The following RBFOX1 variants were observed in gnomAD, a reference collection of about 807,000 sequenced individuals.
RBFOX1 encodes the protein RNA binding protein fox-1 homolog 1.
In RBFOX1, 8 loss-of-function variants were observed where a neutral mutation model predicts 57.7. That is an observed-to-expected ratio of 0.14 (90% CI 0.08 to 0.25). RBFOX1 has a LOEUF of 0.25. Ranked by LOEUF, RBFOX1 falls within the 10% of genes least tolerant of loss-of-function variation. The pLI is 1.00. For synonymous variants in RBFOX1, 326 were observed against 222.4 expected, an observed-to-expected ratio of 1.47 and a Z score of -4.15; for missense variants, 611 against 548.5, an observed-to-expected ratio of 1.11 and a Z score of -1.14.
chr16:6,996,562 T>C (rs908814680), intron 3 of RBFOX1, among the ~76,000 whole-genome samples: 32 of 152,208 alleles, frequency 2.1e-4, no homozygotes, highest in African/African-American at 7.5e-4. Context: ...TTTCCAAATA[T>C]TTAACTCATT....
At chr16:7,023,042 C>A (rs1332259605) in intron 3 of RBFOX1, among the ~76,000 whole-genome samples, 1 of 152,120 alleles carries the variant, frequency 6.6e-6, no homozygotes, top group Non-Finnish European at 1.5e-5. Context: ...AAGGAATGAC[C>A]ATTTGAAGTG....
At chr16:6,211,270 C>T (rs1418464381) in intron 1 of RBFOX1, among the ~76,000 whole-genome samples, 1 of 135,178 alleles carries the variant, frequency 7.4e-6, no homozygotes, top group Non-Finnish European at 1.6e-5. Context: ...GCTTTGTCGC[C>T]CAGGCTGGAG....
chr16:6,399,665 T>C (rs569284872), intron 2 of RBFOX1, among the ~76,000 whole-genome samples: 2 of 152,330 alleles, frequency 1.3e-5, no homozygotes, highest in South Asian at 4.1e-4. Flanking sequence ...CACTTCCACA[T>C]TTTTGGGTAT....
chr16:7,185,353 G>A (rs1386758823), intron 4 of RBFOX1, among the ~76,000 whole-genome samples: 1 of 152,084 alleles, frequency 6.6e-6, no homozygotes, highest in Non-Finnish European at 1.5e-5. Context: ...CAGAATCTCA[G>A]CCATGATGTT....
rs1012479940 is a variant in RBFOX1, at chr16:5,793,854, A to G, written c.319-73449A>G. ...TTCATTTGCACATACTCACAAATGT[A>G]CTGGGAGACTGGAATCCAGCACGTT... On this transcript the variant is annotated intron_variant, in intron 3 of 19. Coordinates refer to the RBFOX1 transcript ENST00000641259. 6.6e-5 allele frequency among the ~76,000 whole-genome samples: 10 copies of G among 152,316 alleles called. No individual in the cohort carries two copies. The East Asian group carries it at 1.5e-3, about 24-fold the overall frequency.
intron 2 of RBFOX1, among the ~76,000 whole-genome samples, chr16:6,639,965 G>A (rs968307966): frequency 4.6e-5 from 7 of 152,132 alleles, no homozygotes; most frequent in African/African-American, 1.7e-4. Flanking sequence ...TCAGCACTCT[G>A]TATAGCTTAT....
chr16:6,494,867 C>G (rs143472682), intron 2 of RBFOX1, among the ~76,000 whole-genome samples: 287 of 152,246 alleles, frequency 1.9e-3, no homozygotes, highest in African/African-American at 5.8e-3. Flanking sequence ...CAGAGAATAG[C>G]CAGCATTTAT....
chr16:6,253,728 A>C (rs2097642286), intron 1 of RBFOX1, among the ~76,000 whole-genome samples: 1 of 150,418 alleles, frequency 6.6e-6, no homozygotes, highest in Non-Finnish European at 1.5e-5. Flanking sequence ...CCTATACAGA[A>C]TATATACCTG....
At chr16:7,266,721 AAAGT>A (rs2095157321) in intron 4 of RBFOX1, among the ~76,000 whole-genome samples, 1 of 152,230 alleles carries the variant, frequency 6.6e-6, no homozygotes, top group Non-Finnish European at 1.5e-5. Context: ...TGACAATAAA[AAAGT>A]AAGCAAAAAG....
chr16:6,394,184 C>T (rs752118412), intron 2 of RBFOX1, among the ~76,000 whole-genome samples: 1 of 152,132 alleles, frequency 6.6e-6, no homozygotes, highest in Non-Finnish European at 1.5e-5. Context: ...TCAAATCGGG[C>T]TCAGAAGTTG....
intron 1 of RBFOX1, among the ~76,000 whole-genome samples, chr16:5,458,898 A>G (rs530070601): frequency 1.3e-5 from 2 of 152,202 alleles, no homozygotes; most frequent in Non-Finnish European, 2.9e-5. Flanking sequence ...CCCTCTGCTA[A>G]TGGATCTCAT....
intron 2 of RBFOX1, among the ~76,000 whole-genome samples, chr16:6,434,404 C>T (rs1467476719): frequency 6.6e-6 from 1 of 152,120 alleles, no homozygotes; most frequent in Non-Finnish European, 1.5e-5. Flanking sequence ...ATGAAGGCTC[C>T]TCAGCCTTCC....
chr16:6,695,373 G>T (rs527466134), intron 3 of RBFOX1, among the ~76,000 whole-genome samples: 1 of 131,680 alleles, frequency 7.6e-6, no homozygotes, highest in Non-Finnish European at 1.5e-5. Flanking sequence ...CTGAGATTGC[G>T]CCGCTTCACT....
intron 4 of RBFOX1, among the ~76,000 whole-genome samples, chr16:7,392,581 G>C (rs1317036498): frequency 6.6e-6 from 1 of 152,160 alleles, no homozygotes; most frequent in Non-Finnish European, 1.5e-5. Flanking sequence ...CTGTGGGTTT[G>C]TGATGGCCCC....
intron 4 of RBFOX1, among the ~76,000 whole-genome samples, chr16:7,297,424 A>AT: frequency 6.6e-6 from 1 of 152,204 alleles, no homozygotes; most frequent in Non-Finnish European, 1.5e-5. Context: ...GGATCTGGGT[A>AT]TTTTTATTTT....
At chr16:7,261,690 C>G (rs920337121) in intron 4 of RBFOX1, among the ~76,000 whole-genome samples, 1 of 152,146 alleles carries the variant, frequency 6.6e-6, no homozygotes, top group Admixed American at 6.5e-5. Context: ...TCCAAGCATC[C>G]TTTTCCTTAT....
At chr16:5,950,876 G>T (rs569720148) in intron 4 of RBFOX1, among the ~76,000 whole-genome samples, 16 of 152,102 alleles carry the variant, frequency 1.1e-4, no homozygotes, top group Non-Finnish European at 2.2e-4. Flanking sequence ...GGAGCTAGGG[G>T]GAGATGGCAT....
At chr16:6,951,517 T>A (rs1431856922) in intron 3 of RBFOX1, among the ~76,000 whole-genome samples, 1 of 152,172 alleles carries the variant, frequency 6.6e-6, no homozygotes, top group Non-Finnish European at 1.5e-5. Context: ...AAGTCTGGCC[T>A]GGGAAGACTC....
chr16:7,243,487 C>A (rs111787141), intron 4 of RBFOX1, among the ~76,000 whole-genome samples: 1 of 152,134 alleles, frequency 6.6e-6, no homozygotes, highest in African/African-American at 2.4e-5. Flanking sequence ...AAAAAATTCA[C>A]ATATGTTGTG....
Sources: allele counts gnomAD v4.1 joint callset (sites outside exome capture counted in the v4.1 genomes callset), GRCh38; gene constraint gnomAD v4.1.1; transcripts MANE v1.5; gene names NCBI Gene and HGNC (gene_info 2026-07-23, HGNC 2026-07-21).